SEPTIN2: variants seen among roughly 807,000 people sequenced by gnomAD.
The protein encoded by SEPTIN2 is septin-2.
Under a neutral mutation model 46.5 loss-of-function variants are expected in SEPTIN2, and 34 were observed. The observed-to-expected ratio is 0.73, with a 90% confidence interval of 0.56 to 0.97. The LOEUF (loss-of-function observed/expected upper bound fraction) is 0.97. Ranked by LOEUF, SEPTIN2 falls within the 50% of genes least tolerant of loss-of-function variation. SEPTIN2 has a pLI of 0.00. For synonymous variants in SEPTIN2, 175 were observed against 153.4 expected (o/e 1.14, Z -1.04); for missense variants, 347 against 448.4 (o/e 0.77, Z 2.04).
intron 9 of SEPTIN2, among the ~76,000 whole-genome samples, chr2:241,344,978 G>A (rs992096487): frequency 6.6e-6 from 1 of 151,926 alleles, no homozygotes; most frequent in African/African-American, 2.4e-5. Context: ...GCCGAGTGTG[G>A]TGGTGGGTGC....
chr2:241,343,772 G>C lies in SEPTIN2; in HGVS notation c.717G>C (p.Val239=), dbSNP rs748224784. 6 of 1,614,034 alleles carry C rather than the reference G, an allele frequency of 3.7e-6. No individual in the cohort carries two copies. The African/African-American group carries it at 8.0e-5, about 22-fold the overall frequency. Residue 239 remains valine (V), a synonymous_variant, in exon 9 of 13, where the codon GTG becomes GTC. Coordinates refer to ENST00000391971, the MANE Select transcript of SEPTIN2 (RefSeq NM_004404.5). Reference sequence around the variant, plus strand: ...TCTAGGCTAGCATCCCATTCTCTGTGGTTGGATCCAATCAGTTGATTGAAG... The same window carrying C: ...TCTAGGCTAGCATCCCATTCTCTGTCGTTGGATCCAATCAGTTGATTGAAG... ...RLLKASIPFS[V]VGSNQLIEAK... is the part of the protein sequence containing the mutation.
At chr2:241,341,802 C>G (rs2081290286) in intron 7 of SEPTIN2, among the ~76,000 whole-genome samples, 1 of 152,214 alleles carries the variant, frequency 6.6e-6, no homozygotes, top group African/African-American at 2.4e-5. Context: ...ATTTTCTGCT[C>G]ACGTTGCTCT....
chr2:241,352,658 T>G lies in SEPTIN2; in HGVS notation c.*721T>G, dbSNP rs2060872381. The G allele has an allele frequency of 6.6e-6, 1 of 152,196 alleles. No individual in the cohort carries two copies. Among genetic ancestry groups the G allele is most frequent in the South Asian group, 2.1e-4 (1 of 4,834 alleles). The allele number at this position is 152,196 out of a possible 1,614,324, so 9.4% of individuals were successfully genotyped here. A position where few individuals can be genotyped will look rare whatever the true frequency, so the allele number is the denominator to read the frequency against. The stretch of plus-strand genomic sequence containing the variant: ...TTTTTAAAACCACTATGCAAAGAAC[T>G]CACCACAAGCCACCTTTTGTAGTGT... On this transcript the variant is annotated 3_prime_UTR_variant, in exon 13 of 13. Coordinates refer to ENST00000391971, the MANE Select transcript of SEPTIN2 (RefSeq NM_004404.5).
At position 241,337,721 on chromosome 2, in the gene SEPTIN2, G is replaced by A. The variant is rs752616882; in HGVS notation, c.525G>A (p.Val175=). ...VAFMKAIHNK[V]NIVPVIAKAD... The stretch of plus-strand genomic sequence containing the variant: ...TTATGAAGGCAATACACAACAAGGT[G>A]AATATTGTGCCTGTCATTGCAAAAG... Residue 175 remains valine (V), a synonymous_variant, in exon 7 of 13, where the codon GTG becomes GTA. Transcript: ENST00000391971. 2.5e-6 allele frequency: 4 copies of A among 1,613,980 alleles called. No homozygotes were observed. The highest frequency in any genetic ancestry group is 2.5e-6 in the Non-Finnish European group (3 of 1,180,018).
rs1455511088 is a variant in SEPTIN2 at position 241,352,270 on chromosome 2, TAAC to T, written c.*337_*339del. ...CTGAATTTCTTTGATTTAACTGACT[TAAC>T]AACTGACTAACCATTGATGAGCACT... On this transcript the variant is annotated 3_prime_UTR_variant, in exon 13 of 13. Transcript: ENST00000391971. 5 of 152,778 alleles carry T rather than the reference TAAC, an allele frequency of 3.3e-5. No individual in the cohort carries two copies. The highest frequency in any genetic ancestry group is 4.1e-4 in the South Asian group (2 of 4,830). 9.5% of individuals were successfully genotyped at this position (152,778 alleles called of 1,614,324 possible).
At chr2:241,316,634 CT>C (rs1241976311) in intron 1 of SEPTIN2, 7 of 1,058,978 alleles carry the variant, frequency 6.6e-6, no homozygotes, top group Non-Finnish European at 9.1e-6. Context: ...AAACCTGTGG[CT>C]TCCGTGGTCT....
intron 1 of SEPTIN2, chr2:241,316,767 G>A (rs1575100294): frequency 2.4e-6 from 1 of 418,700 alleles, no homozygotes; most frequent in Admixed American, 4.4e-5. Context: ...GGAAACACAC[G>A]AACCAACTAC....
chr2:241,323,838 T>G (rs1178662231), intron 1 of SEPTIN2, among the ~76,000 whole-genome samples: 1 of 152,228 alleles, frequency 6.6e-6, no homozygotes, highest in East Asian at 1.9e-4. Context: ...GATACAAATT[T>G]GATTGGCTAC....
At chr2:241,315,813 G>C (rs2076077089), upstream of SEPTIN2, 1 of 152,288 alleles carries the variant, frequency 6.6e-6, no homozygotes, top group African/African-American at 2.4e-5. Flanking sequence ...AGAAGGCCAG[G>C]TCGCACTGAG....
At chr2:241,339,879 C>T (rs1173636022) in intron 7 of SEPTIN2, among the ~76,000 whole-genome samples, 1 of 152,160 alleles carries the variant, frequency 6.6e-6, no homozygotes, top group African/African-American at 2.4e-5. Context: ...TTTTTGGCTT[C>T]TCCTGACCCC....
intron 5 of SEPTIN2, 78 bp downstream of exon 5, chr2:241,336,176 GATT>G (rs1319485469): frequency 3.6e-6 from 5 of 1,403,438 alleles, no homozygotes; most frequent in Non-Finnish European, 4.9e-6. Context: ...GTTAATGAGT[GATT>G]ATTAAGTTTG....
chr2:241,326,167 A>G (rs2077931802), intron 3 of SEPTIN2, 54 bp downstream of exon 3: 1 of 1,542,728 alleles, frequency 6.5e-7, no homozygotes, highest in African/African-American at 1.4e-5. Context: ...TCCCCTTTCC[A>G]ATCTCTGGAG....
At chr2:241,316,581 GT>G in intron 1 of SEPTIN2, 1 of 1,477,476 alleles carries the variant, frequency 6.8e-7, no homozygotes, top group Non-Finnish European at 9.0e-7. Flanking sequence ...AGGGGGTAGG[GT>G]ATAGGGTTGG....
rs545157828 is a variant in SEPTIN2 at position 241,334,717 on chromosome 2, G to A, written c.131-409G>A. ...CAAGGGTTGTTGACACTATGGGATA[G>A]ATATGTTCAGTTTTCTGAAAATGTG... On this transcript the variant is annotated intron_variant, in intron 3 of 12. Coordinates refer to ENST00000391971, the MANE Select transcript of SEPTIN2 (RefSeq NM_004404.5). 2.0e-4 allele frequency among the ~76,000 whole-genome samples: 30 copies of A among 152,322 alleles called. 1 individual carries two copies. In the South Asian group the frequency reaches 6.0e-3, roughly 30 times the overall value.
chr2:241,329,375 G>A (rs1050049955), intron 3 of SEPTIN2, among the ~76,000 whole-genome samples: 11 of 152,018 alleles, frequency 7.2e-5, no homozygotes, highest in African/African-American at 2.4e-4. Context: ...TGATCCGCCC[G>A]CCTCGGCCTC....
chr2:241,335,149 A>T lies in SEPTIN2; in HGVS notation c.154A>T (p.Thr52Ser). 1 of 1,613,536 alleles carries T rather than the reference A, an allele frequency of 6.2e-7. No individual in the cohort carries two copies. Among genetic ancestry groups the T allele is most frequent in the Non-Finnish European group, 8.5e-7 (1 of 1,179,606 alleles). The change falls in exon 4 of 13, where the codon ACT (threonine) becomes TCT (serine). Residue 52 changes from threonine to serine, a missense_variant. Transcript: ENST00000391971. ...VVGESGLGKS[T>S]LINSLFLTDL... Reference sequence around the variant, plus strand: ...AGGTGAATCAGGTCTAGGAAAATCGACTCTCATAAACAGCCTATTCCTAAC... The same window carrying T: ...AGGTGAATCAGGTCTAGGAAAATCGTCTCTCATAAACAGCCTATTCCTAAC...
At chr2:241,319,060 G>A (rs955785925) in intron 1 of SEPTIN2, among the ~76,000 whole-genome samples, 3 of 152,020 alleles carry the variant, frequency 2.0e-5, no homozygotes, top group Admixed American at 6.6e-5. Flanking sequence ...TGATTTTCTT[G>A]TTTCATTATA....
At chr2:241,350,224 G>T (rs1471206205) in intron 12 of SEPTIN2, 21 bp downstream of exon 12, 1 of 1,421,468 alleles carries the variant, frequency 7.0e-7, no homozygotes, top group South Asian at 1.3e-5. Flanking sequence ...TTGTCCCTTA[G>T]CCTGGAAGAC....
intron 3 of SEPTIN2, among the ~76,000 whole-genome samples, chr2:241,330,267 A>T (rs2078780510): frequency 2.0e-5 from 3 of 152,354 alleles, no homozygotes; most frequent in Admixed American, 2.0e-4. Flanking sequence ...GCTTGTGCAG[A>T]AAACAGGGAC....
Sources: gnomAD v4.1 joint callset for allele counts (sites outside exome capture counted in the v4.1 genomes callset) on GRCh38, gnomAD v4.1.1 for gene constraint, MANE v1.5 for transcripts, NCBI Gene and HGNC (gene_info 2026-07-23, HGNC 2026-07-21) for gene names.